NTM: variants seen among roughly 807,000 people sequenced by gnomAD.
NTM encodes neurotrimin.
A neutral mutation model predicts 42.1 loss-of-function variants in NTM; 13 were observed. That is an observed-to-expected ratio of 0.31 (90% CI 0.20 to 0.49). The LOEUF (loss-of-function observed/expected upper bound fraction) is 0.49. Ranked by LOEUF, NTM falls within the 20% of genes least tolerant of loss-of-function variation. The probability of loss-of-function intolerance (pLI) is 0.99; values close to 1 mark genes in which losing one functional copy is unlikely to be tolerated. For missense variants in NTM, 373 were observed against 452.8 expected, an observed-to-expected ratio of 0.82 and a Z score of 1.60; for synonymous variants, 187 against 179.2, an observed-to-expected ratio of 1.04 and a Z score of -0.35.
At chr11:131,415,579 C>T (rs1005556663) in intron 1 of NTM, among the ~76,000 whole-genome samples, 3 of 152,162 alleles carry the variant, frequency 2.0e-5, no homozygotes, top group African/African-American at 7.2e-5. Flanking sequence ...GGGCACCTGA[C>T]TTTTAGGCCA....
At chr11:131,664,049 T>A (rs919688635) in intron 1 of NTM, among the ~76,000 whole-genome samples, 2 of 152,198 alleles carry the variant, frequency 1.3e-5, no homozygotes, top group African/African-American at 4.8e-5. Flanking sequence ...CACCCTGGGC[T>A]CGCTCCCCTC....
chr11:132,032,759 C>T (rs1293879569), intron 2 of NTM, among the ~76,000 whole-genome samples: 1 of 152,202 alleles, frequency 6.6e-6, no homozygotes, highest in African/African-American at 2.4e-5. Context: ...TCTAAGAAGG[C>T]TCCTCTGGGT....
chr11:131,373,483 G>C (rs1367328938), intron 1 of NTM, among the ~76,000 whole-genome samples: 1 of 152,014 alleles, frequency 6.6e-6, no homozygotes, highest in African/African-American at 2.4e-5. Flanking sequence ...TAGGTAGGGA[G>C]GGGGGTTTCT....
chr11:132,313,793 A>T (rs1267455668), intron 6 of NTM, among the ~76,000 whole-genome samples: 1 of 152,068 alleles, frequency 6.6e-6, no homozygotes, highest in African/African-American at 2.4e-5. Flanking sequence ...TCCCTGTGGC[A>T]TTTCTGTAGT....
At chr11:131,851,640 C>T (rs1225005949) in intron 1 of NTM, among the ~76,000 whole-genome samples, 1 of 151,654 alleles carries the variant, frequency 6.6e-6, no homozygotes. Context: ...TTGCAGAGGG[C>T]TTGGCATCTT....
chr11:131,559,946 T>G (rs1000046655), intron 1 of NTM, among the ~76,000 whole-genome samples: 1 of 152,136 alleles, frequency 6.6e-6, no homozygotes, highest in African/African-American at 2.4e-5. Context: ...CAGGGAGAGA[T>G]ATTGGTGAAA....
intron 1 of NTM, among the ~76,000 whole-genome samples, chr11:131,541,201 T>A (rs2053193657): frequency 6.6e-6 from 1 of 152,176 alleles, no homozygotes; most frequent in Admixed American, 6.5e-5. Context: ...AACAAACACC[T>A]GAAAATAATT....
At chr11:132,179,154 G>C (rs1423828883) in intron 3 of NTM, among the ~76,000 whole-genome samples, 1 of 152,182 alleles carries the variant, frequency 6.6e-6, no homozygotes, top group East Asian at 1.9e-4. Context: ...ATGAACTGCT[G>C]CAAGATGCTG....
In NTM at chr11:131,571,925, C is replaced by T. The variant is rs184215460; in HGVS notation, c.82+201037C>T. ...AAAGTGAAATCTGTCTTCCAAGATA[C>T]CAGCTTTCTGTCTTGGGCAGGGTAC... On this transcript the variant is annotated intron_variant, in intron 1 of 8. Coordinates refer to ENST00000683400, the MANE Select transcript of NTM (RefSeq NM_001352005.2). Among the ~76,000 whole-genome samples, 564 of 152,286 alleles carry T rather than the reference C, an allele frequency of 3.7e-3. 4 individuals carry two copies. Among genetic ancestry groups the T allele is most frequent in the Non-Finnish European group, 4.6e-3 (316 of 68,034 alleles).
At chr11:131,892,778 C>T (rs2051577002) in intron 1 of NTM, among the ~76,000 whole-genome samples, 1 of 152,236 alleles carries the variant, frequency 6.6e-6, no homozygotes, top group African/African-American at 2.4e-5. Flanking sequence ...GCCCGGCATC[C>T]CCAAAGAGCC....
intron 1 of NTM, among the ~76,000 whole-genome samples, chr11:131,401,860 A>T (rs1307664444): frequency 1.0e-3 from 110 of 107,706 alleles, no homozygotes; most frequent in Middle Eastern, 9.6e-3. Context: ...ATATATATAT[A>T]TTTTAATTTA....
At chr11:131,834,985 A>G (rs1311852500) in intron 1 of NTM, among the ~76,000 whole-genome samples, 1 of 152,188 alleles carries the variant, frequency 6.6e-6, no homozygotes, top group Non-Finnish European at 1.5e-5. Flanking sequence ...TCATTCAACA[A>G]ACAGCTTTAA....
chr11:131,591,519 T>C (rs1167611043), intron 1 of NTM, among the ~76,000 whole-genome samples: 1 of 152,186 alleles, frequency 6.6e-6, no homozygotes, highest in Admixed American at 6.5e-5. Flanking sequence ...TGCACGGAGA[T>C]GCATGGATTC....
intron 1 of NTM, among the ~76,000 whole-genome samples, chr11:131,854,418 C>T (rs1350047618): frequency 2.6e-5 from 4 of 152,216 alleles, no homozygotes; most frequent in Non-Finnish European, 4.4e-5. Context: ...CTGGGGAATT[C>T]GCATGGTGTA....
chr11:132,008,448 T>C (rs984183686), intron 2 of NTM, among the ~76,000 whole-genome samples: 4 of 152,000 alleles, frequency 2.6e-5, no homozygotes, highest in Non-Finnish European at 5.9e-5. Context: ...GCTGACTATG[T>C]ATTTACTTTT....
chr11:131,438,328 G>T (rs1039340061), intron 1 of NTM, among the ~76,000 whole-genome samples: 6 of 152,068 alleles, frequency 3.9e-5, no homozygotes, highest in Admixed American at 2.6e-4. Flanking sequence ...ATGTTGGCCT[G>T]CCTTGCTAGG....
chr11:131,851,399 A>G (rs2045524177), intron 1 of NTM, among the ~76,000 whole-genome samples: 1 of 152,154 alleles, frequency 6.6e-6, no homozygotes, highest in Non-Finnish European at 1.5e-5. Flanking sequence ...CGCTAATAGA[A>G]AAAAATATTT....
At chr11:131,392,307 T>G (rs2442103) in intron 1 of NTM, among the ~76,000 whole-genome samples, 68,722 of 80,238 alleles carry the variant, frequency 0.86, 30,110 homozygotes, top group Middle Eastern at 0.93. Context: ...GAAGGGATGG[T>G]AGTCCTGTGT....
At chr11:131,683,119 T>G (rs1445127888) in intron 1 of NTM, among the ~76,000 whole-genome samples, 1 of 152,182 alleles carries the variant, frequency 6.6e-6, no homozygotes, top group Non-Finnish European at 1.5e-5. Flanking sequence ...ACTTTCCCTC[T>G]AAAACCGAAG....
Sources: allele counts gnomAD v4.1 joint callset (sites outside exome capture counted in the v4.1 genomes callset), GRCh38; gene constraint gnomAD v4.1.1; transcripts MANE v1.5; gene names NCBI Gene and HGNC (gene_info 2026-07-23, HGNC 2026-07-21).